The following CSMD3 variants were observed in gnomAD, a reference collection of about 807,000 sequenced individuals.
CSMD3 encodes CUB and sushi domain-containing protein 3.
A neutral mutation model predicts 435.2 loss-of-function variants in CSMD3; 177 were observed. The observed-to-expected ratio is 0.41, with a 90% CI of 0.36 to 0.46. The LOEUF (loss-of-function observed/expected upper bound fraction) is 0.46. Among genes scored for constraint, CSMD3 ranks in the 20% least tolerant of loss-of-function variants. The pLI is 0.34. For missense variants in CSMD3, 4,265 were observed against 4,504.6 expected (o/e 0.95, Z 1.52); for synonymous variants, 1,656 against 1,520.5 (o/e 1.09, Z -2.07).
At chr8:112,887,430 C>A (rs1392217894) in intron 10 of CSMD3, among the ~76,000 whole-genome samples, 2 of 150,906 alleles carry the variant, frequency 1.3e-5, no homozygotes, top group Admixed American at 6.6e-5. Context: ...TTTTTATCTG[C>A]AACACGAATA....
intron 52 of CSMD3, among the ~76,000 whole-genome samples, chr8:112,303,733 A>G (rs1821146048): frequency 6.6e-6 from 1 of 152,130 alleles, no homozygotes; most frequent in African/African-American, 2.4e-5. Flanking sequence ...CAAAAAATAA[A>G]TTTCAAATCA....
chr8:112,938,986 G>A (rs1224788421), intron 9 of CSMD3, among the ~76,000 whole-genome samples: 1 of 152,028 alleles, frequency 6.6e-6, no homozygotes, highest in African/African-American at 2.4e-5. Flanking sequence ...TGGTGTGAAA[G>A]TGCTTTTGAG....
intron 6 of CSMD3, among the ~76,000 whole-genome samples, chr8:112,985,413 T>C (rs1006802517): frequency 6.6e-6 from 1 of 151,046 alleles, no homozygotes; most frequent in African/African-American, 2.4e-5. Flanking sequence ...CAACTTAACT[T>C]GAAAAAATGA....
At position 112,274,386 on chromosome 8, in the gene CSMD3, T is replaced by C. The variant is rs573861530; in HGVS notation, c.9508+6788A>G. 1.0e-3 allele frequency among the ~76,000 whole-genome samples: 156 copies of C among 152,282 alleles called. 1 individual carries two copies. The highest frequency in any genetic ancestry group is 6.8e-3 in the Middle Eastern group (2 of 294). On this transcript the variant is annotated intron_variant, in intron 59 of 70. Coordinates refer to ENST00000297405, the MANE Select transcript of CSMD3 (RefSeq NM_198123.2). ...GGCACAGGGAAGAGGAAGCTATGCATAGCCCAGCAGACTCCTTGAGTTGAG... is the reference window on the plus strand; with the variant it reads ...GGCACAGGGAAGAGGAAGCTATGCACAGCCCAGCAGACTCCTTGAGTTGAG...
At chr8:113,436,607 C>T (rs2130147394) in intron 1 of CSMD3, 70 bp downstream of exon 1, 2 of 1,394,798 alleles carry the variant, frequency 1.4e-6, no homozygotes, top group Non-Finnish European at 2.0e-6. Context: ...AAGTAAGCTG[C>T]CAGCCTCTCT....
At position 113,389,825 on chromosome 8, in the gene CSMD3, T is replaced by C. The variant is rs184460709; in HGVS notation, c.178+46852A>G. Among the ~76,000 whole-genome samples the C allele has an allele frequency of 1.8e-3, 277 of 151,876 alleles. 1 individual carries two copies. Among genetic ancestry groups the C allele is most frequent in the Non-Finnish European group, 3.3e-3 (223 of 67,720 alleles). On this transcript the variant is annotated intron_variant, in intron 1 of 70. Coordinates refer to ENST00000297405, the MANE Select transcript of CSMD3 (RefSeq NM_198123.2). ...AAAATTGAGATGGTCCTGGGACAAA[T>C]GATTACCCTTCCCTCTTTGAAAAGT... is the stretch of plus-strand genomic sequence containing the variant.
intron 10 of CSMD3, among the ~76,000 whole-genome samples, chr8:112,884,138 G>A (rs2081524045): frequency 6.6e-6 from 1 of 151,842 alleles, no homozygotes; most frequent in Admixed American, 6.6e-5. Context: ...TAGAAGTCAA[G>A]AAACAGAAAC....
chr8:112,809,162 T>C (rs983188339), intron 12 of CSMD3, among the ~76,000 whole-genome samples: 1 of 152,132 alleles, frequency 6.6e-6, no homozygotes, highest in Non-Finnish European at 1.5e-5. Context: ...CTTAATCATG[T>C]TCATACTTCA....
At chr8:112,471,251 A>T (rs1221456807) in intron 32 of CSMD3, among the ~76,000 whole-genome samples, 1 of 152,186 alleles carries the variant, frequency 6.6e-6, no homozygotes, top group East Asian at 1.9e-4. Context: ...TCAGAGAGCC[A>T]TGAAGTTTTC....
chr8:112,267,954 G>T (rs1174909061), intron 59 of CSMD3, among the ~76,000 whole-genome samples: 7 of 151,868 alleles, frequency 4.6e-5, no homozygotes, highest in East Asian at 3.9e-4. Context: ...AAGGCTTTTG[G>T]TTTTTTCAGG....
intron 12 of CSMD3, among the ~76,000 whole-genome samples, chr8:112,823,604 G>C (rs2079589022): frequency 6.6e-6 from 1 of 152,120 alleles, no homozygotes; most frequent in Non-Finnish European, 1.5e-5. Flanking sequence ...GGAGCAGGTT[G>C]TTCAGTTTCC....
chr8:112,390,340 T>C (rs1454461320), intron 36 of CSMD3, among the ~76,000 whole-genome samples: 1 of 152,112 alleles, frequency 6.6e-6, no homozygotes, highest in Non-Finnish European at 1.5e-5. Flanking sequence ...ACCAACAGGC[T>C]GAGCATGGCA....
At chr8:112,629,455 ATTTG>A (rs1040902415) in intron 22 of CSMD3, among the ~76,000 whole-genome samples, 8 of 152,298 alleles carry the variant, frequency 5.3e-5, no homozygotes, top group Non-Finnish European at 8.8e-5. Context: ...TAAAAAAATC[ATTTG>A]TTTGCTTATG....
rs1318175765 is a variant in CSMD3, at chr8:112,472,584, T to C, written c.5395+7A>G. 3.6e-6 allele frequency: 5 copies of C among 1,396,636 alleles called. No homozygotes were observed. Among genetic ancestry groups the C allele is most frequent in the Admixed American group, 3.4e-5 (2 of 59,668 alleles). 86.5% of individuals were successfully genotyped at this position (1,396,636 alleles called of 1,614,324 possible). A position where few individuals can be genotyped will look rare whatever the true frequency, so the allele number is the denominator to read the frequency against. On this transcript the variant is annotated splice_region_variant and intron_variant, in intron 32 of 70. Transcript: ENST00000297405. ...AAATACTACATAATGAGTCGAATCT[T>C]ACTTACCAAACTCCTTTGGAACTGC...
intron 27 of CSMD3, among the ~76,000 whole-genome samples, chr8:112,525,700 G>A (rs911137152): frequency 1.4e-5 from 2 of 145,846 alleles, no homozygotes. Context: ...CAGCCTGAGC[G>A]ACAGAGCGAG....
intron 11 of CSMD3, among the ~76,000 whole-genome samples, chr8:112,842,438 C>T (rs1280544324): frequency 6.6e-6 from 1 of 151,676 alleles, no homozygotes; most frequent in African/African-American, 2.4e-5. Flanking sequence ...TAAGCTCAAA[C>T]GTTAGTGGAG....
chr8:113,057,817 G>A (rs1368302378), intron 5 of CSMD3, among the ~76,000 whole-genome samples: 1 of 151,732 alleles, frequency 6.6e-6, no homozygotes, highest in Admixed American at 6.6e-5. Context: ...GAGATGAATA[G>A]ATATGTAGGA....
At chr8:112,531,264 T>G (rs1416016605) in intron 27 of CSMD3, among the ~76,000 whole-genome samples, 3 of 152,110 alleles carry the variant, frequency 2.0e-5, no homozygotes, top group African/African-American at 7.2e-5. Flanking sequence ...CACCCCATGC[T>G]AGAAGGAAAT....
At chr8:112,637,701 C>T (rs1371141293) in intron 21 of CSMD3, among the ~76,000 whole-genome samples, 1 of 151,826 alleles carries the variant, frequency 6.6e-6, no homozygotes, top group African/African-American at 2.4e-5. Flanking sequence ...AAAAATATTC[C>T]CAGAGCAGTT....
Sources: allele counts gnomAD v4.1 joint callset (sites outside exome capture counted in the v4.1 genomes callset), GRCh38; gene constraint gnomAD v4.1.1; transcripts MANE v1.5; gene names NCBI Gene and HGNC (gene_info 2026-07-23, HGNC 2026-07-21).